The following IGSF21 variants were observed in gnomAD, a reference collection of about 807,000 sequenced individuals.
IGSF21 encodes immunoglobulin superfamily member 21.
Under a neutral mutation model 46.8 loss-of-function variants are expected in IGSF21, and 28 were observed. That is an observed-to-expected ratio of 0.60 (90% CI 0.44 to 0.82). The LOEUF (loss-of-function observed/expected upper bound fraction) is 0.82. IGSF21 is among the 40% of genes least tolerant of loss of function. IGSF21 has a pLI of 0.00. For missense variants in IGSF21, 624 were observed against 665.5 expected (o/e 0.94, Z 0.69); for synonymous variants, 284 against 273.6 (o/e 1.04, Z -0.38).
At chr1:18,220,043 T>A (rs116620544) in intron 1 of IGSF21, among the ~76,000 whole-genome samples, 2,444 of 152,266 alleles carry the variant, frequency 0.016, 50 homozygotes, top group African/African-American at 0.056. Context: ...CTTGCAGCCC[T>A]GAGTCTGCTG....
chr1:18,149,101 T>C (rs2086497079), intron 1 of IGSF21, among the ~76,000 whole-genome samples: 1 of 152,198 alleles, frequency 6.6e-6, no homozygotes. Context: ...GTAGTACTCC[T>C]GCGGCCCACC....
chr1:18,311,640 T>C (rs2085489622), intron 3 of IGSF21, among the ~76,000 whole-genome samples: 1 of 152,090 alleles, frequency 6.6e-6, no homozygotes, highest in African/African-American at 2.4e-5. Context: ...GGGTAATTTA[T>C]AAAGAAAAAG....
intron 1 of IGSF21, among the ~76,000 whole-genome samples, chr1:18,185,701 G>A (rs367894758): frequency 7.2e-5 from 11 of 152,144 alleles, no homozygotes; most frequent in South Asian, 2.1e-4. Flanking sequence ...TTACCTCTCC[G>A]TGCCTCAGTT....
intron 1 of IGSF21, among the ~76,000 whole-genome samples, chr1:18,178,847 G>A (rs1047956520): frequency 1.3e-5 from 2 of 152,140 alleles, no homozygotes; most frequent in Admixed American, 6.5e-5. Flanking sequence ...CGGGGAGCGA[G>A]CGCAGGGATG....
At chr1:18,273,419 C>CTCT in intron 2 of IGSF21, among the ~76,000 whole-genome samples, 1 of 140,082 alleles carries the variant, frequency 7.1e-6, no homozygotes, top group South Asian at 2.2e-4. Flanking sequence ...CCTTTCTTTT[C>CTCT]CTTTCCTTTC....
At chr1:18,171,274 A>C (rs1029970037) in intron 1 of IGSF21, among the ~76,000 whole-genome samples, 2 of 151,810 alleles carry the variant, frequency 1.3e-5, no homozygotes, top group African/African-American at 2.4e-5. Context: ...CCAAATGAAG[A>C]CTCATCCTTA....
chr1:18,312,731 T>C (rs1345086043), intron 3 of IGSF21, among the ~76,000 whole-genome samples: 2 of 152,170 alleles, frequency 1.3e-5, no homozygotes, highest in Non-Finnish European at 2.9e-5. Context: ...AGGATAATCT[T>C]CCCCATCTCA....
intron 3 of IGSF21, among the ~76,000 whole-genome samples, chr1:18,292,949 G>T (rs2085281192): frequency 6.6e-6 from 1 of 152,218 alleles, no homozygotes; most frequent in Admixed American, 6.5e-5. Flanking sequence ...TGAAAGTAGT[G>T]GTCTGCTCCA....
chr1:18,112,170 A>C (rs1436279624), intron 1 of IGSF21: 1 of 152,176 alleles, frequency 6.6e-6, no homozygotes, highest in African/African-American at 2.4e-5. Flanking sequence ...AGAGGTATTT[A>C]ACCTAGGCAG....
intron 3 of IGSF21, among the ~76,000 whole-genome samples, chr1:18,307,823 T>G (rs2085441757): frequency 1.3e-5 from 2 of 152,184 alleles, no homozygotes; most frequent in South Asian, 4.1e-4. Flanking sequence ...GTAGTGGTTC[T>G]CATCTTCAGG....
chr1:18,108,218 G>C lies in IGSF21; in HGVS notation c.70+20G>C. On this transcript the variant is annotated intron_variant, in intron 1 of 9. Coordinates refer to ENST00000251296, the MANE Select transcript of IGSF21 (RefSeq NM_032880.5). The stretch of plus-strand genomic sequence containing the variant: ...CGCGCGGTGAGTGCGCGGGCGCCTG[G>C]CGGGAGCCGAGCGGTGAACGTGCGC... 1 of 1,361,330 alleles carries C rather than the reference G, an allele frequency of 7.3e-7. No homozygotes were observed. Among genetic ancestry groups the C allele is most frequent in the Non-Finnish European group, 9.4e-7 (1 of 1,059,596 alleles). 84.3% of individuals were successfully genotyped at this position (1,361,330 alleles called of 1,614,324 possible). A position where few individuals can be genotyped will look rare whatever the true frequency, so the allele number is the denominator to read the frequency against.
intron 2 of IGSF21, among the ~76,000 whole-genome samples, chr1:18,285,574 CAG>C (rs1171040891): frequency 6.6e-6 from 1 of 152,180 alleles, no homozygotes; most frequent in Non-Finnish European, 1.5e-5. Flanking sequence ...AGGAACAGTG[CAG>C]AGACAACCTT....
At chr1:18,141,179 G>T in intron 1 of IGSF21, among the ~76,000 whole-genome samples, 1 of 152,218 alleles carries the variant, frequency 6.6e-6, no homozygotes, top group East Asian at 1.9e-4. Flanking sequence ...CTTTGAGAAG[G>T]AAGGATCTTA....
intron 3 of IGSF21, among the ~76,000 whole-genome samples, chr1:18,318,276 T>G (rs1391283959): frequency 6.6e-6 from 1 of 152,144 alleles, no homozygotes; most frequent in African/African-American, 2.4e-5. Flanking sequence ...CCTTCCTTAT[T>G]CTCACCTTGC....
rs762194873 is a variant in IGSF21 at position 18,376,814 on chromosome 1, G to A, written c.1116G>A (p.Pro372=). 53 of 1,594,808 alleles carry A rather than the reference G, an allele frequency of 3.3e-5. No individual in the cohort carries two copies. In the Middle Eastern group the frequency reaches 6.8e-4, roughly 20 times the overall value. Residue 372 remains proline (P), a synonymous_variant, in exon 8 of 10, where the codon CCG becomes CCA. Transcript: ENST00000251296. The part of the protein sequence containing the change: ...LVHGFQNEVF[P]EPMFTWTRVG... Reference sequence around the variant, plus strand: ...CTGGCCAACAGAACGAAGTCTTCCCGGAGCCCATGTTCACGTGGACGCGGG... The same window carrying A: ...CTGGCCAACAGAACGAAGTCTTCCCAGAGCCCATGTTCACGTGGACGCGGG...
At position 18,117,543 on chromosome 1, in the gene IGSF21, G is replaced by A. The variant is rs142994205; in HGVS notation, c.70+9345G>A. ...ACTTGTCACTCTTCATGGTGGCCTC[G>A]TCTGGTGGGGGCTGCTGGGAAGCGT... On this transcript the variant is annotated intron_variant, in intron 1 of 9. Coordinates refer to ENST00000251296, the MANE Select transcript of IGSF21 (RefSeq NM_032880.5). 2.0e-3 allele frequency among the ~76,000 whole-genome samples: 300 copies of A among 152,300 alleles called. 1 individual carries two copies. The highest frequency in any genetic ancestry group is 6.8e-3 in the Middle Eastern group (2 of 294).
rs577513215 is a variant in IGSF21, at chr1:18,341,381, T to C, written c.424+6371T>C. Among the ~76,000 whole-genome samples, 5 of 152,298 alleles carry C rather than the reference T, an allele frequency of 3.3e-5. No homozygotes were observed. The South Asian group carries it at 8.3e-4, about 25-fold the overall frequency. On this transcript the variant is annotated intron_variant, in intron 4 of 9. Coordinates refer to ENST00000251296, the MANE Select transcript of IGSF21 (RefSeq NM_032880.5). ...CTATTTCCAAATAAGGTTACATTTATACGGACTGTGGGTCAGAACTTCAAC... is the reference window on the plus strand; with the variant it reads ...CTATTTCCAAATAAGGTTACATTTACACGGACTGTGGGTCAGAACTTCAAC...
At chr1:18,208,692 C>T (rs1312808179) in intron 1 of IGSF21, among the ~76,000 whole-genome samples, 1 of 151,544 alleles carries the variant, frequency 6.6e-6, no homozygotes, top group African/African-American at 2.4e-5. Flanking sequence ...CCACCGTGCC[C>T]GGCCCAGTCT....
intron 2 of IGSF21, among the ~76,000 whole-genome samples, chr1:18,235,983 G>T (rs1473997288): frequency 6.6e-6 from 1 of 152,148 alleles, no homozygotes; most frequent in Non-Finnish European, 1.5e-5. Context: ...GCTAACATGT[G>T]GAAGGGATGA....
Sources: allele counts gnomAD v4.1 joint callset (sites outside exome capture counted in the v4.1 genomes callset), GRCh38; gene constraint gnomAD v4.1.1; transcripts MANE v1.5; gene names NCBI Gene and HGNC (gene_info 2026-07-23, HGNC 2026-07-21).